The following DENND2B variants were observed in gnomAD, a reference collection of about 807,000 sequenced individuals.
DENND2B encodes the protein DENN domain-containing protein 2B.
Under a neutral mutation model 116.0 loss-of-function variants are expected in DENND2B, and 32 were observed. The observed-to-expected ratio is 0.28, with a 90% confidence interval of 0.21 to 0.37. The LOEUF (loss-of-function observed/expected upper bound fraction) is 0.37, where lower values mean the gene tolerates loss of function less well. Ranked by LOEUF, DENND2B falls within the 10% of genes least tolerant of loss-of-function variation. The probability of loss-of-function intolerance (pLI) is 1.00; values close to 1 mark genes in which losing one functional copy is unlikely to be tolerated. For missense variants in DENND2B, 1,276 were observed against 1,477.7 expected (o/e 0.86, Z 2.24); for synonymous variants, 588 against 583.9 (o/e 1.01, Z -0.10).
intron 2 of DENND2B, among the ~76,000 whole-genome samples, chr11:8,878,366 T>C (rs887380703): frequency 2.0e-5 from 3 of 151,932 alleles, no homozygotes; most frequent in Non-Finnish European, 4.4e-5. Context: ...GTAGAAATAA[T>C]CATGTCCATC....
rs1421769176 is a variant in DENND2B at position 8,730,859 on chromosome 11, G to C, written c.431C>G (p.Ala144Gly). ...CAGCAAGACGCCCCGGGGGCCAGCT[G>C]CTGGCCCCGGGAATGGCGTGCTCTG... ...LAQSTPFPGPAAGPRGVLLTR... is the reference protein window; with the variant it reads ...LAQSTPFPGPGAGPRGVLLTR... Residue 144 changes from alanine to glycine, a missense_variant, in exon 3 of 20, where the codon GCA becomes GGA. This residue lies in a region of DENND2B where 856 missense variants were observed against 846.6 expected (regional missense o/e 1.01). Coordinates refer to ENST00000313726, the MANE Select transcript of DENND2B (RefSeq NM_213618.2). This position sits in a 1 kb window ranked among gnomAD's most constrained non-coding sequence, Gnocchi z 4.1. The C allele has an allele frequency of 1.2e-6, 2 of 1,613,478 alleles. No homozygotes were observed. The highest frequency in any genetic ancestry group is 1.7e-5 in the Admixed American group (1 of 60,018).
intron 1 of DENND2B, among the ~76,000 whole-genome samples, chr11:8,884,692 A>ATAAC (rs1270772136): frequency 2.0e-5 from 3 of 152,308 alleles, no homozygotes; most frequent in East Asian, 3.9e-4. Context: ...CAAGATGAAG[A>ATAAC]TAACTCTTCA....
intron 1 of DENND2B, among the ~76,000 whole-genome samples, chr11:8,888,747 A>T (rs1033146338): frequency 2.0e-5 from 3 of 152,192 alleles, no homozygotes; most frequent in African/African-American, 7.2e-5. Context: ...TAATTCGAAA[A>T]TGGGCAGAGA....
At position 8,715,675 on chromosome 11, in the gene DENND2B, G is replaced by A. The variant is rs1306518314; in HGVS notation, c.1773C>T (p.Ser591=). 6.2e-7 allele frequency: 1 copy of A among 1,614,104 alleles called. No individual in the cohort carries two copies. Among genetic ancestry groups the A allele is most frequent in the African/African-American group, 1.3e-5 (1 of 74,946 alleles). ...TGCTGAGGCTGTCTTCATTGAGGCT[G>A]GAGGGTGAGGACGGCAGACTCAGCT... ...LAQLSLPSSP[S]SLNEDSLSTT... Residue 591 remains serine (S), a synonymous_variant, in exon 6 of 20, where the codon TCC becomes TCT. Coordinates refer to ENST00000313726, the MANE Select transcript of DENND2B (RefSeq NM_213618.2).
chr11:8,778,864 A>T (rs1467729915), intron 1 of DENND2B, among the ~76,000 whole-genome samples: 1 of 152,268 alleles, frequency 6.6e-6, no homozygotes, highest in Admixed American at 6.5e-5. Flanking sequence ...ATGAAAGGGC[A>T]GTTCCTCCCC....
upstream of DENND2B, among the ~76,000 whole-genome samples, chr11:8,811,856 C>T (rs1362240933): frequency 2.6e-5 from 4 of 152,212 alleles, no homozygotes; most frequent in Non-Finnish European, 5.9e-5. Context: ...GCCTCAGCCT[C>T]TGAAGTAGCT....
chr11:8,753,496 T>A lies in DENND2B; in HGVS notation c.-25-2771A>T, dbSNP rs1043973609. On this transcript the variant is annotated intron_variant, in intron 1 of 19. Coordinates refer to ENST00000313726, the MANE Select transcript of DENND2B (RefSeq NM_213618.2). ...AGATGGCAATTCTCCCTAAATTGAT[T>A]TACAGACTCAACAGAATACCCATCA... Among the ~76,000 whole-genome samples the A allele has an allele frequency of 2.0e-5, 3 of 152,068 alleles. No individual in the cohort carries two copies. In the East Asian group the frequency reaches 5.8e-4, roughly 29 times the overall value.
chr11:8,824,347 C>T (rs2061887267), intron 4 of DENND2B, among the ~76,000 whole-genome samples: 1 of 152,092 alleles, frequency 6.6e-6, no homozygotes, highest in Non-Finnish European at 1.5e-5. Flanking sequence ...CCTCTCCCTC[C>T]TCCCACCCTT....
chr11:8,869,048 C>T (rs981193188), intron 2 of DENND2B, among the ~76,000 whole-genome samples: 1 of 152,196 alleles, frequency 6.6e-6, no homozygotes, highest in African/African-American at 2.4e-5. Flanking sequence ...CGGCCCCAGG[C>T]GATTCTTCTT....
intron 1 of DENND2B, among the ~76,000 whole-genome samples, chr11:8,882,682 A>C (rs2063915733): frequency 1.3e-5 from 2 of 152,244 alleles, no homozygotes; most frequent in East Asian, 3.8e-4. Flanking sequence ...GGTTATTTTT[A>C]ATTTTAAAAG....
chr11:8,757,092 G>A (rs1396391001), intron 1 of DENND2B: 2 of 456,106 alleles, frequency 4.4e-6, no homozygotes, highest in African/African-American at 2.0e-5. Context: ...AGGCACAGTC[G>A]CAGGCCCCGA....
intron 4 of DENND2B, among the ~76,000 whole-genome samples, chr11:8,823,250 T>C (rs2061834291): frequency 6.6e-6 from 1 of 152,112 alleles, no homozygotes; most frequent in Non-Finnish European, 1.5e-5. Context: ...TCTCTCTTGA[T>C]CTTTAAAGAA....
intron 1 of DENND2B, among the ~76,000 whole-genome samples, chr11:8,797,444 C>A (rs143883055): frequency 8.4e-6 from 1 of 118,400 alleles, no homozygotes; most frequent in African/African-American, 3.1e-5. Context: ...CCCCCTTCTT[C>A]CCCCTTCTTC....
intron 1 of DENND2B, among the ~76,000 whole-genome samples, chr11:8,888,809 T>C (rs955490239): frequency 1.3e-5 from 2 of 152,082 alleles, no homozygotes; most frequent in African/African-American, 2.4e-5. Flanking sequence ...AATAACAATA[T>C]GAAAAGATGC....
intron 1 of DENND2B, among the ~76,000 whole-genome samples, chr11:8,767,256 C>T (rs749831253): frequency 9.9e-5 from 15 of 152,104 alleles, no homozygotes; most frequent in Admixed American, 3.9e-4. Context: ...GGAGAAATGA[C>T]GGAAGGAACT....
intron 1 of DENND2B, among the ~76,000 whole-genome samples, chr11:8,768,604 C>A (rs1366100950): frequency 1.3e-5 from 2 of 152,166 alleles, no homozygotes; most frequent in African/African-American, 2.4e-5. Context: ...AAAGAGGAAT[C>A]AAATCTACCA....
chr11:8,776,446 A>G lies in DENND2B; in HGVS notation c.-25-25721T>C, dbSNP rs564201527. The G allele has an allele frequency of 2.8e-4, 103 of 361,646 alleles. 1 individual carries two copies. Among genetic ancestry groups the G allele is most frequent in the South Asian group, 2.0e-3 (99 of 48,614 alleles). The allele number at this position is 361,646 out of a possible 1,614,324, so 22.4% of individuals were successfully genotyped here. ...CCAGTCACTGAGGACACAGGAAGGA[A>G]AACAACACAGTCCTACAGGCTCCTG... On this transcript the variant is annotated intron_variant, in intron 1 of 19. Coordinates refer to ENST00000313726, the MANE Select transcript of DENND2B (RefSeq NM_213618.2).
upstream of DENND2B, among the ~76,000 whole-genome samples, chr11:8,872,494 A>G (rs952426472): frequency 6.6e-6 from 1 of 151,362 alleles, no homozygotes; most frequent in Non-Finnish European, 1.5e-5. Flanking sequence ...CTAAAAAAAA[A>G]AAAAAAAAGA....
intron 2 of DENND2B, among the ~76,000 whole-genome samples, chr11:8,858,138 C>T (rs2063261522): frequency 6.6e-6 from 1 of 152,222 alleles, no homozygotes; most frequent in Admixed American, 6.5e-5. Flanking sequence ...ACCTGTACCT[C>T]CCTTTCCTCT....
Sources: allele counts gnomAD v4.1 joint callset (sites outside exome capture counted in the v4.1 genomes callset), GRCh38; gene constraint gnomAD v4.1.1; regional missense constraint gnomAD v4.1.1; non-coding constraint Gnocchi (gnomAD v3.1); transcripts MANE v1.5; gene names NCBI Gene and HGNC (gene_info 2026-07-23, HGNC 2026-07-21).